The following DHX9 variants were observed in gnomAD, a reference collection of about 807,000 sequenced individuals.
The protein encoded by DHX9 is DExH-box helicase 9, also known as ATP-dependent RNA helicase A.
In DHX9, 27 loss-of-function variants were observed where a neutral mutation model predicts 148.7. That is an observed-to-expected ratio of 0.18 (90% CI 0.13 to 0.25). The LOEUF (loss-of-function observed/expected upper bound fraction) is 0.25. Ranked by LOEUF, DHX9 falls within the 10% of genes least tolerant of loss-of-function variation. The pLI, the probability that DHX9 is intolerant of heterozygous loss-of-function variation, is 1.00. For synonymous variants in DHX9, 529 were observed against 516.6 expected (o/e 1.02, Z -0.33); for missense variants, 796 against 1,559.6 (o/e 0.51, Z 8.25).
intron 22 of DHX9, 139 bp from the exon 23 acceptor site, chr1:182,881,125 C>A (rs1363425719): frequency 3.7e-6 from 3 of 815,078 alleles, no homozygotes; most frequent in South Asian, 2.1e-5. Context: ...CTATAAAGTT[C>A]TTTGTTAAGC....
chr1:182,864,813 C>G (rs972430282), intron 12 of DHX9, among the ~76,000 whole-genome samples: 1 of 152,198 alleles, frequency 6.6e-6, no homozygotes, highest in African/African-American at 2.4e-5. Flanking sequence ...AAACCTCTAT[C>G]ATGTCTTCCT....
chr1:182,879,576 CTG>C (rs951715044), intron 21 of DHX9, among the ~76,000 whole-genome samples, 166 bp downstream of exon 21: 6 of 152,244 alleles, frequency 3.9e-5, no homozygotes, highest in African/African-American at 1.4e-4. Flanking sequence ...AGTATAGTCA[CTG>C]TTCTAATGAG....
intron 24 of DHX9, among the ~76,000 whole-genome samples, chr1:182,881,951 C>A (rs1649102257): frequency 6.6e-6 from 1 of 152,136 alleles, no homozygotes; most frequent in Non-Finnish European, 1.5e-5. Context: ...TTTATGACAT[C>A]TAACATAGAA....
chr1:182,861,053 A>G (rs1264598164), intron 12 of DHX9, among the ~76,000 whole-genome samples: 1 of 152,282 alleles, frequency 6.6e-6, no homozygotes, highest in Non-Finnish European at 1.5e-5. Context: ...GTGCATGTTC[A>G]TTTACATTTG....
At chr1:182,882,721 C>T (rs1180272488) in intron 24 of DHX9, among the ~76,000 whole-genome samples, 3 of 151,936 alleles carry the variant, frequency 2.0e-5, no homozygotes, top group Non-Finnish European at 4.4e-5. Flanking sequence ...AAAAATTAGC[C>T]GGGCGTGGTG....
At chr1:182,882,732 G>A (rs1445290371) in intron 24 of DHX9, among the ~76,000 whole-genome samples, 1 of 152,070 alleles carries the variant, frequency 6.6e-6, no homozygotes, top group Non-Finnish European at 1.5e-5. Context: ...GGGCGTGGTG[G>A]CGGGTGCCTG....
chr1:182,850,337 G>A (rs749672308), intron 3 of DHX9, among the ~76,000 whole-genome samples: 5 of 152,082 alleles, frequency 3.3e-5, no homozygotes, highest in Non-Finnish European at 5.9e-5. Flanking sequence ...GCTCACACCT[G>A]TAATACCAAC....
At chr1:182,882,632 C>T (rs149224879) in intron 24 of DHX9, among the ~76,000 whole-genome samples, 4 of 152,006 alleles carry the variant, frequency 2.6e-5, no homozygotes, top group Non-Finnish European at 5.9e-5. Context: ...TTTGGGAGGC[C>T]GAGTCAGGTG....
chr1:182,853,548 T>C, intron 5 of DHX9, 130 bp downstream of exon 5: 1 of 621,102 alleles, frequency 1.6e-6, no homozygotes, highest in Non-Finnish European at 2.8e-6. Flanking sequence ...TGAGACTACT[T>C]ATTAGCACAA....
intron 12 of DHX9, among the ~76,000 whole-genome samples, chr1:182,861,047 A>C (rs1668353521): frequency 6.6e-6 from 1 of 152,256 alleles, no homozygotes; most frequent in Non-Finnish European, 1.5e-5. Context: ...AAATGTGTGC[A>C]TGTTCATTTA....
At position 182,887,080 on chromosome 1, in the gene DHX9, T is replaced by G; in HGVS notation, c.3462-3T>G. 3 of 1,611,136 alleles carry G rather than the reference T, an allele frequency of 1.9e-6. No homozygotes were observed. The highest frequency in any genetic ancestry group is 2.5e-6 in the Non-Finnish European group (3 of 1,177,388). Reference sequence around the variant, plus strand: ...TAAAGTGATGGTTTTGTGCTTTTCCTAGGTATGGAGATGGTCCACGTCCTC... The same window carrying G: ...TAAAGTGATGGTTTTGTGCTTTTCCGAGGTATGGAGATGGTCCACGTCCTC... On this transcript the variant is annotated splice_polypyrimidine_tract_variant and splice_region_variant and intron_variant, in intron 27 of 27. Coordinates refer to ENST00000367549, the MANE Select transcript of DHX9 (RefSeq NM_001357.5).
chr1:182,848,848 T>C (rs576001148), intron 3 of DHX9, among the ~76,000 whole-genome samples: 1 of 152,274 alleles, frequency 6.6e-6, no homozygotes, highest in South Asian at 2.1e-4. Context: ...ATGTCCTACA[T>C]AGCAGGAGCA....
intron 8 of DHX9, 71 bp downstream of exon 8, chr1:182,858,311 T>G: frequency 1.3e-6 from 2 of 1,524,848 alleles, no homozygotes; most frequent in South Asian, 2.5e-5. Context: ...AGTGTTTGGC[T>G]GAAGAAGTTT....
At chr1:182,853,119 G>A (rs1434588108) in intron 4 of DHX9, among the ~76,000 whole-genome samples, 187 bp from the exon 5 acceptor site, 2 of 151,862 alleles carry the variant, frequency 1.3e-5, no homozygotes, top group Non-Finnish European at 2.9e-5. Context: ...TAGAGACGGG[G>A]TTTCACTATG....
At chr1:182,865,859 A>G (rs933926027) in intron 12 of DHX9, among the ~76,000 whole-genome samples, 1 of 152,222 alleles carries the variant, frequency 6.6e-6, no homozygotes, top group African/African-American at 2.4e-5. Context: ...AAGATCCAAC[A>G]CTTAAACATT....
Position 182,857,531 on chromosome 1 carries a change from C to G in DHX9, c.674-573C>G, listed in dbSNP as rs138669967. 4.2e-3 allele frequency among the ~76,000 whole-genome samples: 636 copies of G among 152,292 alleles called. 6 individuals are homozygous for G. Among genetic ancestry groups the G allele is most frequent in the African/African-American group, 0.014 (597 of 41,572 alleles). On this transcript the variant is annotated intron_variant, in intron 7 of 27. Coordinates refer to ENST00000367549, the MANE Select transcript of DHX9 (RefSeq NM_001357.5). ...TTTACAGGTCACACATTGTTATTCT[C>G]ATTTTATTTTTACAACTCTTGAAAA...
chr1:182,841,226 G>A (rs905778421), intron 1 of DHX9, among the ~76,000 whole-genome samples: 1 of 152,124 alleles, frequency 6.6e-6, no homozygotes, highest in African/African-American at 2.4e-5. Flanking sequence ...GGGAGGCGGA[G>A]GTTGCAGTGA....
chr1:182,869,848 C>T (rs969152848), intron 14 of DHX9, among the ~76,000 whole-genome samples: 4 of 152,218 alleles, frequency 2.6e-5, no homozygotes, highest in Non-Finnish European at 5.9e-5. Flanking sequence ...ATCTGCCTGC[C>T]TCAGCCTGCC....
At chr1:182,883,922 G>A (rs1649203942) in intron 26 of DHX9, among the ~76,000 whole-genome samples, 1 of 152,110 alleles carries the variant, frequency 6.6e-6, no homozygotes, top group Non-Finnish European at 1.5e-5. Context: ...GGGCAAAAAT[G>A]GAATAGAGCT....
Sources: gnomAD v4.1 joint callset for allele counts (sites outside exome capture counted in the v4.1 genomes callset) on GRCh38, gnomAD v4.1.1 for gene constraint, MANE v1.5 for transcripts, NCBI Gene and HGNC (gene_info 2026-07-23, HGNC 2026-07-21) for gene names.